The following GPC5 variants were observed in gnomAD, a reference collection of about 807,000 sequenced individuals.
The protein encoded by GPC5 is glypican 5, also known as glypican-5.
A neutral mutation model predicts 53.9 loss-of-function variants in GPC5; 47 were observed. The observed-to-expected ratio is 0.87, with a 90% CI of 0.69 to 1.11. The LOEUF is 1.11. GPC5 is among the 50% of genes most tolerant of loss of function. The pLI is 0.00. For synonymous variants in GPC5, 286 were observed against 263.3 expected (o/e 1.09, Z -0.84); for missense variants, 748 against 713.1 (o/e 1.05, Z -0.56).
chr13:91,589,976 C>A (rs987042857), intron 2 of GPC5, among the ~76,000 whole-genome samples: 1 of 151,908 alleles, frequency 6.6e-6, no homozygotes. Flanking sequence ...AGGTGTACTA[C>A]ATTAAAATTT....
chr13:91,454,179 A>G (rs557603314), intron 2 of GPC5, among the ~76,000 whole-genome samples: 54 of 152,086 alleles, frequency 3.6e-4, no homozygotes, highest in Non-Finnish European at 7.1e-4. Flanking sequence ...CAACAGGCTT[A>G]TATTAATTAT....
intron 7 of GPC5, among the ~76,000 whole-genome samples, chr13:92,794,498 A>G (rs183789885): frequency 3.9e-5 from 6 of 152,288 alleles, no homozygotes; most frequent in Non-Finnish European, 8.8e-5. Context: ...CTCTCTCACC[A>G]TTCCTATTCA....
At chr13:91,710,188 AAT>A (rs2036196026) in intron 3 of GPC5, among the ~76,000 whole-genome samples, 2 of 152,236 alleles carry the variant, frequency 1.3e-5, no homozygotes, top group Non-Finnish European at 2.9e-5. Flanking sequence ...AGTGTCTGGC[AAT>A]ATTTGTTAAA....
intron 7 of GPC5, among the ~76,000 whole-genome samples, chr13:92,437,395 G>A (rs1333508974): frequency 2.0e-5 from 3 of 152,034 alleles, no homozygotes; most frequent in South Asian, 2.1e-4. Context: ...CTGGCCTAGA[G>A]ATACTGCTTC....
chr13:92,441,926 T>C lies in GPC5; in HGVS notation c.1561+296937T>C, dbSNP rs539469742. ...AACAAAGCCAGAGGCATCACAAATA[T>C]ATGTTAAGGCAAGTGGCCTAGAGGC... On this transcript the variant is annotated intron_variant, in intron 7 of 7. Transcript: ENST00000377067. Among the ~76,000 whole-genome samples the C allele has an allele frequency of 5.6e-4, 85 of 152,202 alleles. 1 individual carries two copies. Among genetic ancestry groups the C allele is most frequent in the Non-Finnish European group, 1.1e-3 (74 of 67,990 alleles).
At chr13:91,994,929 T>C (rs781533042) in intron 6 of GPC5, 2 of 152,184 alleles carry the variant, frequency 1.3e-5, no homozygotes, top group Non-Finnish European at 2.9e-5. Context: ...CTTGTTTGTT[T>C]AGTTGACAAT....
intron 2 of GPC5, among the ~76,000 whole-genome samples, chr13:91,575,570 G>T (rs1490477021): frequency 1.3e-5 from 2 of 152,064 alleles, no homozygotes; most frequent in African/African-American, 4.8e-5. Flanking sequence ...TATTTTATAT[G>T]CATGTTAAAA....
chr13:92,777,519 T>C (rs1286174810), intron 7 of GPC5, among the ~76,000 whole-genome samples: 1 of 151,860 alleles, frequency 6.6e-6, no homozygotes, highest in African/African-American at 2.4e-5. Flanking sequence ...TCCCAGCTAC[T>C]TGGGAGGCTG....
chr13:91,826,335 G>T (rs1409608407), intron 5 of GPC5, among the ~76,000 whole-genome samples: 8 of 152,000 alleles, frequency 5.3e-5, no homozygotes, highest in Admixed American at 3.3e-4. Context: ...AATATATATT[G>T]GTCTATCATC....
intron 6 of GPC5, among the ~76,000 whole-genome samples, chr13:91,945,829 GTGATACAACC>G (rs149687764): frequency 0.021 from 3,223 of 152,244 alleles, 103 homozygotes; most frequent in African/African-American, 0.074. Context: ...CTCCCTTCAA[GTGATACAACC>G]TGATACAACC....
intron 7 of GPC5, among the ~76,000 whole-genome samples, chr13:92,696,548 G>GT (rs1887563988): frequency 1.3e-5 from 2 of 152,004 alleles, no homozygotes; most frequent in African/African-American, 2.4e-5. Context: ...GGGGTTGTTT[G>GT]TTTTTTTCTT....
chr13:91,929,594 G>C lies in GPC5; in HGVS notation c.1401+21537G>C, dbSNP rs568333726. The stretch of plus-strand genomic sequence containing the variant: ...TTTTCATTGAACAGTTACTTCATTT[G>C]AAATTTTTCACTTGATTTAATTTCA... On this transcript the variant is annotated intron_variant, in intron 6 of 7. Coordinates refer to ENST00000377067, the MANE Select transcript of GPC5 (RefSeq NM_004466.6). Among the ~76,000 whole-genome samples the C allele has an allele frequency of 4.6e-5, 7 of 151,982 alleles. No individual in the cohort carries two copies. The South Asian group carries it at 8.3e-4, about 18-fold the overall frequency.
At chr13:92,402,464 A>G (rs112810703) in intron 7 of GPC5, among the ~76,000 whole-genome samples, 4 of 152,296 alleles carry the variant, frequency 2.6e-5, no homozygotes, top group African/African-American at 9.6e-5. Flanking sequence ...ACATAATGGT[A>G]ATACACATTT....
chr13:92,416,260 T>C (rs1311026043), intron 7 of GPC5, among the ~76,000 whole-genome samples: 1 of 152,178 alleles, frequency 6.6e-6, no homozygotes, highest in East Asian at 1.9e-4. Context: ...TGTGTGGATT[T>C]AGATGATATA....
chr13:92,396,723 A>G (rs1407459995), intron 7 of GPC5, among the ~76,000 whole-genome samples: 1 of 152,094 alleles, frequency 6.6e-6, no homozygotes, highest in Non-Finnish European at 1.5e-5. Context: ...TGCCTTTTAC[A>G]TGCTTCAGAG....
chr13:92,629,702 C>A (rs1216605661), intron 7 of GPC5, among the ~76,000 whole-genome samples: 1 of 152,034 alleles, frequency 6.6e-6, no homozygotes, highest in East Asian at 1.9e-4. Context: ...TTCTTCTTTC[C>A]CAACTTAAGC....
intron 2 of GPC5, among the ~76,000 whole-genome samples, chr13:91,520,738 A>G (rs1591534): frequency 0.87 from 132,130 of 151,656 alleles, 60,150 homozygotes; most frequent in East Asian, 1. Context: ...GTGTGTGTAT[A>G]TATATATATA....
At chr13:92,775,220 C>T (rs1875759818) in intron 7 of GPC5, among the ~76,000 whole-genome samples, 1 of 152,062 alleles carries the variant, frequency 6.6e-6, no homozygotes, top group African/African-American at 2.4e-5. Flanking sequence ...TGCAACTGAG[C>T]CATTTCAGGA....
At chr13:92,188,858 T>A (rs973353747) in intron 7 of GPC5, among the ~76,000 whole-genome samples, 1 of 152,168 alleles carries the variant, frequency 6.6e-6, no homozygotes, top group Non-Finnish European at 1.5e-5. Flanking sequence ...GGTGAAAAGC[T>A]AAACAACAGA....
Sources: allele counts gnomAD v4.1 joint callset (sites outside exome capture counted in the v4.1 genomes callset), GRCh38; gene constraint gnomAD v4.1.1; transcripts MANE v1.5; gene names NCBI Gene and HGNC (gene_info 2026-07-23, HGNC 2026-07-21).